AHRR: variants seen among roughly 807,000 people sequenced by gnomAD.
AHRR encodes ahR repressor.
AHRR carries 28 observed loss-of-function variants against 44.0 expected under a neutral mutation model. The ratio of observed to expected loss-of-function variants is 0.64; its 90% CI spans 0.47 to 0.87. The LOEUF (loss-of-function observed/expected upper bound fraction) is 0.87, where lower values mean the gene tolerates loss of function less well. AHRR is among the 40% of genes least tolerant of loss of function. The probability of loss-of-function intolerance (pLI) is 0.00; values close to 1 mark genes in which losing one functional copy is unlikely to be tolerated. For missense variants in AHRR, 990 were observed against 953.9 expected (o/e 1.04, Z -0.50); for synonymous variants, 434 against 407.0 (o/e 1.07, Z -0.80).
At chr5:330,432 G>A (rs982507425) in intron 1 of AHRR, among the ~76,000 whole-genome samples, 18 of 152,018 alleles carry the variant, frequency 1.2e-4, no homozygotes, top group Non-Finnish European at 2.6e-4. Flanking sequence ...GGACTACAGT[G>A]GCACCATCTT....
chr5:421,790 C>A (rs186928263), intron 5 of AHRR, among the ~76,000 whole-genome samples: 14 of 152,232 alleles, frequency 9.2e-5, no homozygotes, highest in African/African-American at 3.4e-4. Flanking sequence ...GGGAGCCCCG[C>A]AGGTCCTTGC....
chr5:406,490 G>A lies in AHRR; in HGVS notation c.352-6854G>A, dbSNP rs1735265407. On this transcript the variant is annotated intron_variant, in intron 4 of 10. Transcript: ENST00000684583. The surrounding 1 kb of genome is among the most constrained non-coding windows in gnomAD (Gnocchi z 4.7). ...GAACAGGAAGTTGTCTCAAAATAAA[G>A]GGGGATCAGGTGGCTGGTCCACTTG... 6.6e-6 allele frequency among the ~76,000 whole-genome samples: 1 copy of A among 152,216 alleles called. No individual in the cohort carries two copies. The highest frequency in any genetic ancestry group is 2.4e-5 in the African/African-American group (1 of 41,446).
chr5:384,559 G>A (rs1734099147), intron 4 of AHRR, among the ~76,000 whole-genome samples: 1 of 151,982 alleles, frequency 6.6e-6, no homozygotes, highest in South Asian at 2.1e-4. Context: ...GAGTGGCTGG[G>A]ATTACAGGCG....
At chr5:432,784 C>T (rs1250400601) in intron 9 of AHRR, 22 bp from the exon 10 acceptor site, 5 of 1,583,602 alleles carry the variant, frequency 3.2e-6, no homozygotes, top group African/African-American at 1.4e-5. Flanking sequence ...TGACGGCTTC[C>T]CCCCCCTCTA....
chr5:326,280 C>T lies in AHRR; in HGVS notation c.-11+4461C>T, dbSNP rs1741708672. On this transcript the variant is annotated intron_variant, in intron 1 of 10. Transcript: ENST00000684583. This position sits in a 1 kb window ranked among gnomAD's most constrained non-coding sequence, Gnocchi z 4.1. ...CCAGTCCCTGCTCCCAGGTCCTGGC[C>T]ACCACGAACCTTTTTATCTGAGTTT... Among the ~76,000 whole-genome samples, 1 of 152,228 alleles carries T rather than the reference C, an allele frequency of 6.6e-6. No individual in the cohort carries two copies. Among genetic ancestry groups the T allele is most frequent in the African/African-American group, 2.4e-5 (1 of 41,450 alleles).
chr5:432,892 T>C lies in AHRR; in HGVS notation c.1057T>C (p.Cys353Arg). The C allele has an allele frequency of 6.2e-7, 1 of 1,613,590 alleles. No homozygotes were observed. The highest frequency in any genetic ancestry group is 1.1e-5 in the South Asian group (1 of 91,074). Residue 353 changes from cysteine (C) to arginine (R), a missense_variant, in exon 10 of 11, where the codon TGC becomes CGC. Cys to Arg is a radical substitution (Grantham distance 180). Transcript: ENST00000684583. ...RWAQVPARAP[C>R]LCLRGGPDLV... ...GGCACAGGTTCCCGCCAGGGCCCCA[T>C]GCCTGTGCCTCCGGGGTGGCCCTGA... is the stretch of plus-strand genomic sequence containing the variant.
At chr5:432,097 A>G (rs1290144029) in intron 8 of AHRR, 2 of 274,170 alleles carry the variant, frequency 7.3e-6, no homozygotes, top group Non-Finnish European at 7.0e-6. Flanking sequence ...CTCAGTGTTC[A>G]CTTCCTGGAA....
intron 8 of AHRR, among the ~76,000 whole-genome samples, chr5:430,285 C>G (rs747905658): frequency 6.6e-6 from 1 of 152,244 alleles, no homozygotes; most frequent in Admixed American, 6.5e-5. Context: ...ACCCGGCACG[C>G]TGCCGTCCCT....
chr5:423,895 C>T lies in AHRR; in HGVS notation c.626C>T (p.Thr209Met), dbSNP rs374324800. The T allele has an allele frequency of 5.0e-5, 80 of 1,604,844 alleles. No homozygotes were observed. The Admixed American group carries it at 6.8e-4, about 14-fold the overall frequency. ...LLRAQEWGTG[T>M]PTEYSAFLTR... ...AGGGCCCAGGAGTGGGGCACAGGCA[C>T]GCCCACCGAGTACTCGGCCTTCCTG... The change falls in exon 7 of 11, where the codon ACG becomes ATG. Residue 209 changes from threonine (T) to methionine (M), a missense_variant. Physicochemically the swap from Thr to Met is moderately conservative, Grantham distance 81 (BLOSUM62 -1). Coordinates refer to ENST00000684583, the MANE Select transcript of AHRR (RefSeq NM_001377236.1).
chr5:402,209 A>G (rs903636329), intron 4 of AHRR, among the ~76,000 whole-genome samples: 2 of 152,258 alleles, frequency 1.3e-5, no homozygotes, highest in Non-Finnish European at 2.9e-5. Context: ...CGGCATCGCC[A>G]GGCACAGGGA....
intron 1 of AHRR, among the ~76,000 whole-genome samples, chr5:340,914 T>C (rs1449181671): frequency 6.7e-6 from 1 of 149,770 alleles, no homozygotes; most frequent in African/African-American, 2.5e-5. Flanking sequence ...GCCAGGCTGG[T>C]CTTGAACTCC....
At chr5:343,719 C>T in intron 1 of AHRR, 174 bp from the exon 2 acceptor site, 1 of 607,284 alleles carries the variant, frequency 1.6e-6, no homozygotes, top group Non-Finnish European at 2.7e-6. Context: ...GTGCGGGGTG[C>T]TGGAGAGCAG....
chr5:421,395 G>C, intron 5 of AHRR: 1 of 583,298 alleles, frequency 1.7e-6, no homozygotes. Flanking sequence ...CCCACACGGA[G>C]GGCGGCCCGG....
At chr5:362,100 G>A (rs539008961) in intron 3 of AHRR, among the ~76,000 whole-genome samples, 6 of 152,164 alleles carry the variant, frequency 3.9e-5, no homozygotes, top group East Asian at 1.9e-4. Context: ...GGTTAAATGC[G>A]GTCATAAGGG....
chr5:421,002 A>G (rs1180082541), intron 5 of AHRR: 2 of 471,916 alleles, frequency 4.2e-6, no homozygotes, highest in Non-Finnish European at 7.6e-6. Flanking sequence ...GGTTCTTCTT[A>G]TGGTTCAGGA....
intron 4 of AHRR, among the ~76,000 whole-genome samples, chr5:379,025 C>T (rs1428314921): frequency 1.3e-5 from 2 of 152,250 alleles, no homozygotes; most frequent in Admixed American, 6.5e-5. Flanking sequence ...AAACATTTCT[C>T]CTCTGCTGCT....
chr5:368,720 G>C (rs751141050), intron 3 of AHRR, among the ~76,000 whole-genome samples: 3 of 152,206 alleles, frequency 2.0e-5, no homozygotes, highest in African/African-American at 7.2e-5. Context: ...GAGCCCCCCT[G>C]AGGCCCCCGG....
rs180672321 is a variant in AHRR, at chr5:414,247, A to G, written c.441+814A>G. Among the ~76,000 whole-genome samples the G allele has an allele frequency of 1.1e-4, 16 of 152,220 alleles. No individual in the cohort carries two copies. In the East Asian group the frequency reaches 2.5e-3, roughly 24 times the overall value. Reference sequence around the variant, plus strand: ...CACTGCACTCCAGCCTGGGTGACAGAGCGAGACTCCATCTCAAAAATAAAA... The same window carrying G: ...CACTGCACTCCAGCCTGGGTGACAGGGCGAGACTCCATCTCAAAAATAAAA... On this transcript the variant is annotated intron_variant, in intron 5 of 10. Coordinates refer to ENST00000684583, the MANE Select transcript of AHRR (RefSeq NM_001377236.1).
At chr5:325,788 T>A (rs1276157643) in intron 1 of AHRR, among the ~76,000 whole-genome samples, 1 of 152,186 alleles carries the variant, frequency 6.6e-6, no homozygotes, top group Non-Finnish European at 1.5e-5. Context: ...GTTTTCTTTC[T>A]TTTCTTTTTT....
Sources: allele counts gnomAD v4.1 joint callset (sites outside exome capture counted in the v4.1 genomes callset), GRCh38; gene constraint gnomAD v4.1.1; non-coding constraint Gnocchi (gnomAD v3.1); transcripts MANE v1.5; gene names NCBI Gene and HGNC (gene_info 2026-07-23, HGNC 2026-07-21).